Variants in TPRG1 observed in about 807,000 individuals in gnomAD.
TPRG1 encodes tumor protein p63-regulated gene 1 protein.
Under a neutral mutation model 29.3 loss-of-function variants are expected in TPRG1, and 29 were observed. That is an observed-to-expected ratio of 0.99 (90% CI 0.74 to 1.35). TPRG1 has a LOEUF of 1.35. Among genes scored for constraint, TPRG1 ranks in the 40% most tolerant of loss-of-function variants. The pLI is 0.00. For missense variants in TPRG1, 327 were observed against 335.0 expected, an observed-to-expected ratio of 0.98 and a Z score of 0.19; for synonymous variants, 130 against 116.8, an observed-to-expected ratio of 1.11 and a Z score of -0.73.
At chr3:189,137,383 A>G (rs542537971) in intron 3 of TPRG1, among the ~76,000 whole-genome samples, 1 of 151,396 alleles carries the variant, frequency 6.6e-6, no homozygotes, top group Non-Finnish European at 1.5e-5. Context: ...CAAAACAAGT[A>G]ACAGCAGCAA....
At chr3:189,000,604 CAT>C (rs892396631) in intron 1 of TPRG1, among the ~76,000 whole-genome samples, 12 of 152,040 alleles carry the variant, frequency 7.9e-5, no homozygotes, top group African/African-American at 1.7e-4. Flanking sequence ...AAAATTATTA[CAT>C]GTGTGTGGCT....
chr3:189,113,009 C>A (rs542981375), intron 1 of TPRG1, among the ~76,000 whole-genome samples: 1 of 152,288 alleles, frequency 6.6e-6, no homozygotes, highest in South Asian at 2.1e-4. Flanking sequence ...TATCCATGAG[C>A]ATGGAATGTT....
At chr3:189,074,880 C>T (rs1717046372) in intron 4 of TPRG1, among the ~76,000 whole-genome samples, 3 of 151,670 alleles carry the variant, frequency 2.0e-5, no homozygotes, top group Admixed American at 6.6e-5. Flanking sequence ...GGCGCGATCT[C>T]CGCTCACTGC....
At chr3:189,185,326 C>T (rs563986164) in intron 1 of TPRG1, among the ~76,000 whole-genome samples, 11 of 152,138 alleles carry the variant, frequency 7.2e-5, no homozygotes, top group Admixed American at 5.9e-4. Context: ...CAGGCTCAAG[C>T]GATCCTCCCA....
At chr3:189,169,396 C>T (rs924462916), upstream of TPRG1, among the ~76,000 whole-genome samples, 1 of 152,170 alleles carries the variant, frequency 6.6e-6, no homozygotes, top group African/African-American at 2.4e-5. Flanking sequence ...AACTCCTGAC[C>T]TCAGATGATC....
At chr3:189,168,054 T>C (rs994946331), upstream of TPRG1, among the ~76,000 whole-genome samples, 2 of 152,108 alleles carry the variant, frequency 1.3e-5, no homozygotes, top group African/African-American at 4.8e-5. Flanking sequence ...CGGATAAAAT[T>C]GGAACTTGGA....
intron 4 of TPRG1, among the ~76,000 whole-genome samples, chr3:189,037,728 G>A (rs1322493123): frequency 6.6e-6 from 1 of 151,672 alleles, no homozygotes. Context: ...CCAAGATTTT[G>A]TATACAACTA....
chr3:189,250,396 C>T (rs551297237), intron 4 of TPRG1, among the ~76,000 whole-genome samples: 43 of 150,996 alleles, frequency 2.8e-4, no homozygotes, highest in Non-Finnish European at 4.4e-4. Flanking sequence ...TGACATTAAT[C>T]GTCATTCTGC....
At chr3:189,130,578 G>C (rs1332867178) in intron 2 of TPRG1, among the ~76,000 whole-genome samples, 1 of 152,170 alleles carries the variant, frequency 6.6e-6, no homozygotes, top group Non-Finnish European at 1.5e-5. Context: ...AACACCAATA[G>C]TCCCTTGACA....
intron 3 of TPRG1, among the ~76,000 whole-genome samples, chr3:189,015,613 G>T (rs972717382): frequency 2.6e-5 from 4 of 152,136 alleles, no homozygotes; most frequent in African/African-American, 9.7e-5. Flanking sequence ...GGTTTCATAA[G>T]CCAGGCCCAG....
At chr3:189,032,866 C>T (rs150185529) in intron 4 of TPRG1, among the ~76,000 whole-genome samples, 1 of 149,536 alleles carries the variant, frequency 6.7e-6, no homozygotes, top group Non-Finnish European at 1.5e-5. Context: ...TTTGTCCTTG[C>T]GATAGTTTAC....
chr3:189,143,633 C>T (rs1246687910), intron 3 of TPRG1, among the ~76,000 whole-genome samples: 1 of 152,150 alleles, frequency 6.6e-6, no homozygotes, highest in Non-Finnish European at 1.5e-5. Flanking sequence ...AGGAAGTAAC[C>T]TCTTAATTCA....
intron 5 of TPRG1, among the ~76,000 whole-genome samples, chr3:189,163,311 CT>C (rs1727735036): frequency 6.6e-6 from 1 of 151,976 alleles, no homozygotes; most frequent in African/African-American, 2.4e-5. Flanking sequence ...GGGGTTCTTA[CT>C]TTTTTCTCTG....
upstream of TPRG1, among the ~76,000 whole-genome samples, chr3:189,095,770 A>C (rs1245426345): frequency 6.6e-6 from 1 of 152,220 alleles, no homozygotes; most frequent in Non-Finnish European, 1.5e-5. Flanking sequence ...TCAGAAGTAC[A>C]TTGAGTGATG....
intron 1 of TPRG1, among the ~76,000 whole-genome samples, chr3:189,193,875 A>T (rs1369125264): frequency 2.0e-5 from 3 of 147,324 alleles, no homozygotes; most frequent in Admixed American, 1.4e-4. Context: ...CCTTAAGAGG[A>T]TTATTTTGAA....
At chr3:189,231,016 G>A (rs898312050) in intron 3 of TPRG1, among the ~76,000 whole-genome samples, 1 of 152,006 alleles carries the variant, frequency 6.6e-6, no homozygotes, top group Non-Finnish European at 1.5e-5. Context: ...TCCTTCAACT[G>A]ATACTCTCAT....
At chr3:189,231,843 G>A (rs1738704246) in intron 3 of TPRG1, among the ~76,000 whole-genome samples, 1 of 152,068 alleles carries the variant, frequency 6.6e-6, no homozygotes, top group African/African-American at 2.4e-5. Flanking sequence ...ATCCATAGAA[G>A]ACCCTCAATA....
At chr3:189,086,598 G>A (rs1215325891) in intron 4 of TPRG1, among the ~76,000 whole-genome samples, 1 of 149,720 alleles carries the variant, frequency 6.7e-6, no homozygotes, top group Admixed American at 6.7e-5. Context: ...CGTGATCTCG[G>A]CTCACCACAA....
intron 1 of TPRG1, among the ~76,000 whole-genome samples, chr3:189,192,261 G>C (rs1441269942): frequency 6.6e-6 from 1 of 152,242 alleles, no homozygotes; most frequent in Non-Finnish European, 1.5e-5. Context: ...TACCTGAAGA[G>C]AGAGACTCTC....
Sources: gnomAD v4.1 joint callset for allele counts (sites outside exome capture counted in the v4.1 genomes callset) on GRCh38, gnomAD v4.1.1 for gene constraint, MANE v1.5 for transcripts, NCBI Gene and HGNC (gene_info 2026-07-23, HGNC 2026-07-21) for gene names.